FTO: variants seen among roughly 807,000 people sequenced by gnomAD.
The protein encoded by FTO is alpha-ketoglutarate-dependent dioxygenase FTO.
FTO carries 47 observed loss-of-function variants against 63.9 expected under a neutral mutation model. That is an observed-to-expected ratio of 0.74 (90% confidence interval 0.58 to 0.94). The LOEUF (loss-of-function observed/expected upper bound fraction) is 0.94. Ranked by LOEUF, FTO falls within the 40% of genes least tolerant of loss-of-function variation. The pLI is 0.00. For synonymous variants in FTO, 207 were observed against 224.4 expected (o/e 0.92, Z 0.69); for missense variants, 562 against 618.1 (o/e 0.91, Z 0.96).
chr16:53,875,524 T>G (rs1370721387), intron 5 of FTO, among the ~76,000 whole-genome samples: 1 of 152,236 alleles, frequency 6.6e-6, no homozygotes, highest in Non-Finnish European at 1.5e-5. Flanking sequence ...CTGCTACTAC[T>G]GTCTTTTCAT....
At chr16:53,968,871 A>G (rs1430503384) in intron 8 of FTO, among the ~76,000 whole-genome samples, 1 of 152,170 alleles carries the variant, frequency 6.6e-6, no homozygotes, top group Non-Finnish European at 1.5e-5. Context: ...TTGTTATGTG[A>G]TCATGAAGCC....
At chr16:53,904,100 AT>A (rs552092589) in intron 7 of FTO, among the ~76,000 whole-genome samples, 2 of 152,166 alleles carry the variant, frequency 1.3e-5, no homozygotes, top group African/African-American at 4.8e-5. Context: ...GTATATACAT[AT>A]ACATATATGT....
At chr16:54,046,947 T>C (rs1181958311) in intron 8 of FTO, among the ~76,000 whole-genome samples, 1 of 116,552 alleles carries the variant, frequency 8.6e-6, no homozygotes, top group Non-Finnish European at 1.7e-5. Flanking sequence ...TTACACCTTA[T>C]ACAAAAATCA....
At chr16:53,768,856 G>A (rs1401099252) in intron 1 of FTO, among the ~76,000 whole-genome samples, 1 of 152,070 alleles carries the variant, frequency 6.6e-6, no homozygotes, top group Non-Finnish European at 1.5e-5. Context: ...TGTGCGTTTG[G>A]TCACATCACC....
intron 8 of FTO, among the ~76,000 whole-genome samples, chr16:54,047,196 T>G (rs2085189129): frequency 7.9e-5 from 1 of 12,650 alleles, no homozygotes; most frequent in Non-Finnish European, 1.3e-4. Context: ...GGGAGAAAAT[T>G]TTCGCAACCT....
chr16:53,955,328 GAGGC>G (rs2082903945), intron 8 of FTO, among the ~76,000 whole-genome samples: 2 of 152,156 alleles, frequency 1.3e-5, no homozygotes, highest in South Asian at 4.1e-4. Context: ...CTAGTGGCAG[GAGGC>G]TGACTAAAAA....
intron 4 of FTO, among the ~76,000 whole-genome samples, chr16:53,844,547 C>T (rs2079566589): frequency 6.6e-6 from 1 of 152,246 alleles, no homozygotes; most frequent in East Asian, 1.9e-4. Context: ...GCCGTTTCCA[C>T]CTCCTGGATT....
intron 1 of FTO, 56 bp from the exon 2 acceptor site, chr16:53,810,082 AGT>A (rs2078480773): frequency 8.9e-7 from 1 of 1,118,178 alleles, no homozygotes; most frequent in African/African-American, 1.5e-5. Context: ...AAAATAAGAG[AGT>A]GTCTTACTTT....
At chr16:53,768,659 G>T (rs1286899296) in intron 1 of FTO, among the ~76,000 whole-genome samples, 1 of 152,192 alleles carries the variant, frequency 6.6e-6, no homozygotes, top group Non-Finnish European at 1.5e-5. Context: ...TATGAGCACA[G>T]AGTCATTTTG....
At chr16:53,802,470 T>TTTTTAA (rs2078253184) in intron 1 of FTO, among the ~76,000 whole-genome samples, 1 of 152,236 alleles carries the variant, frequency 6.6e-6, no homozygotes, top group Non-Finnish European at 1.5e-5. Flanking sequence ...TTTGTCTGAC[T>TTTTTAA]GCTTTTAAGA....
intron 1 of FTO, among the ~76,000 whole-genome samples, chr16:53,760,066 G>C (rs543100958): frequency 3.9e-5 from 6 of 152,260 alleles, no homozygotes; most frequent in African/African-American, 9.6e-5. Context: ...TCAGCTTCAT[G>C]GTTGAAATGC....
At chr16:53,895,156 C>T (rs2081247146) in intron 7 of FTO, among the ~76,000 whole-genome samples, 1 of 151,976 alleles carries the variant, frequency 6.6e-6, no homozygotes, top group Non-Finnish European at 1.5e-5. Flanking sequence ...AAAAGTAAAA[C>T]ATCTGGGGAG....
In FTO at chr16:53,783,934, G is replaced by C. The variant is rs540240007; in HGVS notation, c.46-26206G>C. ...AGATCAGTGGTTTCTAAACCTGGTT[G>C]ATCATCACCTCACCTCACTGGCCTT... is the stretch of plus-strand genomic sequence containing the variant. On this transcript the variant is annotated intron_variant, in intron 1 of 8. Transcript: ENST00000471389. 8.5e-5 allele frequency among the ~76,000 whole-genome samples: 13 copies of C among 152,270 alleles called. No homozygotes were observed. The East Asian group carries it at 2.5e-3, about 29-fold the overall frequency.
intron 1 of FTO, among the ~76,000 whole-genome samples, chr16:53,712,911 T>A (rs886695010): frequency 6.6e-6 from 1 of 152,098 alleles, no homozygotes; most frequent in Admixed American, 6.6e-5. Context: ...GATTTTGGCA[T>A]GTAGATGATA....
chr16:54,055,242 C>G (rs1251196965), intron 8 of FTO, among the ~76,000 whole-genome samples: 1 of 152,112 alleles, frequency 6.6e-6, no homozygotes, highest in Non-Finnish European at 1.5e-5. Context: ...CTTGAAGAGG[C>G]CACGAACAGC....
chr16:53,912,072 A>G (rs954034656), intron 7 of FTO, among the ~76,000 whole-genome samples: 2 of 152,234 alleles, frequency 1.3e-5, no homozygotes, highest in East Asian at 1.9e-4. Context: ...ACTGTCCCCC[A>G]AAGGGACAAA....
chr16:53,963,082 T>A (rs1306597060), intron 8 of FTO, among the ~76,000 whole-genome samples: 1 of 152,224 alleles, frequency 6.6e-6, no homozygotes, highest in Non-Finnish European at 1.5e-5. Context: ...TTTAAAACAG[T>A]ATAGTCACAG....
chr16:54,018,466 GTGTGTGTGTA>G (rs1198575481), intron 8 of FTO, among the ~76,000 whole-genome samples: 1 of 151,882 alleles, frequency 6.6e-6, no homozygotes, highest in Non-Finnish European at 1.5e-5. Context: ...TCATGTGTTT[GTGTGTGTGTA>G]TGTGTGTGTT....
At chr16:53,708,675 T>A (rs1044254486) in intron 1 of FTO, among the ~76,000 whole-genome samples, 29 of 152,248 alleles carry the variant, frequency 1.9e-4, no homozygotes, top group African/African-American at 7.0e-4. Context: ...CACATCCTTG[T>A]CAACACTTGT....
Sources: allele counts gnomAD v4.1 joint callset (sites outside exome capture counted in the v4.1 genomes callset), GRCh38; gene constraint gnomAD v4.1.1; transcripts MANE v1.5; gene names NCBI Gene and HGNC (gene_info 2026-07-23, HGNC 2026-07-21).